CADPS2: variants seen among roughly 807,000 people sequenced by gnomAD.
The protein encoded by CADPS2 is calcium-dependent secretion activator 2.
In CADPS2, 93 loss-of-function variants were observed where a neutral mutation model predicts 172.5. That is an observed-to-expected ratio of 0.54 (90% CI 0.46 to 0.64). CADPS2 has a LOEUF of 0.64. Among genes scored for constraint, CADPS2 ranks in the 30% least tolerant of loss-of-function variants. The pLI is 0.00. For synonymous variants in CADPS2, 546 were observed against 555.2 expected (o/e 0.98, Z 0.23); for missense variants, 1,420 against 1,565.9 (o/e 0.91, Z 1.57).
chr7:122,666,862 C>T (rs530887829), intron 2 of CADPS2, among the ~76,000 whole-genome samples: 2 of 152,226 alleles, frequency 1.3e-5, no homozygotes, highest in Non-Finnish European at 2.9e-5. Flanking sequence ...GGACAGCTTC[C>T]CCCTAGAACC....
At chr7:122,618,406 C>T (rs2075208203) in intron 5 of CADPS2, among the ~76,000 whole-genome samples, 2 of 151,606 alleles carry the variant, frequency 1.3e-5, no homozygotes, top group Admixed American at 1.3e-4. Context: ...TAGAGAAAGC[C>T]AGCTAATTAA....
At chr7:122,541,994 AATC>A (rs1362671346) in intron 8 of CADPS2, among the ~76,000 whole-genome samples, 19 of 151,120 alleles carry the variant, frequency 1.3e-4, no homozygotes, top group African/African-American at 2.9e-4. Context: ...CATAAAATCA[AATC>A]ATCATTTATT....
intron 7 of CADPS2, among the ~76,000 whole-genome samples, chr7:122,562,219 A>C (rs893377994): frequency 3.9e-5 from 6 of 152,122 alleles, no homozygotes; most frequent in Non-Finnish European, 1.5e-5. Flanking sequence ...ATGGCAAAGG[A>C]GAATTAAGGT....
intron 1 of CADPS2, among the ~76,000 whole-genome samples, chr7:122,756,151 C>G (rs1467867359): frequency 6.6e-6 from 1 of 152,124 alleles, no homozygotes; most frequent in Non-Finnish European, 1.5e-5. Flanking sequence ...TGAATAGTTA[C>G]TGGTTACAAA....
chr7:122,813,464 T>C (rs1800551988), intron 1 of CADPS2, among the ~76,000 whole-genome samples: 1 of 152,136 alleles, frequency 6.6e-6, no homozygotes, highest in Admixed American at 6.6e-5. Flanking sequence ...CATTTCAAAT[T>C]GTTTATTACC....
intron 9 of CADPS2, among the ~76,000 whole-genome samples, chr7:122,512,454 G>T (rs1209035881): frequency 1.3e-5 from 2 of 152,168 alleles, no homozygotes; most frequent in African/African-American, 2.4e-5. Flanking sequence ...ACTTAGAAGG[G>T]TATTCTTTAA....
chr7:122,587,223 G>A (rs974287701), intron 6 of CADPS2, among the ~76,000 whole-genome samples: 2 of 151,610 alleles, frequency 1.3e-5, no homozygotes, highest in African/African-American at 4.8e-5. Context: ...TAGGTATTAA[G>A]CCCAGCATGC....
chr7:122,748,648 C>T (rs145861426), intron 1 of CADPS2, among the ~76,000 whole-genome samples: 149 of 152,062 alleles, frequency 9.8e-4, no homozygotes, highest in African/African-American at 3.4e-3. Context: ...CTTTCTTGAC[C>T]AGGTATTACA....
chr7:122,527,647 TG>T (rs1563602281), intron 8 of CADPS2, among the ~76,000 whole-genome samples: 142 of 146,784 alleles, frequency 9.7e-4, no homozygotes, highest in African/African-American at 3.4e-3. Context: ...TGTGTGTGTG[TG>T]TGTGTTTCCT....
At chr7:122,698,040 G>A (rs772945544) in intron 2 of CADPS2, 2 of 1,613,826 alleles carry the variant, frequency 1.2e-6, no homozygotes, top group Non-Finnish European at 1.7e-6. Flanking sequence ...TGCAAATGGG[G>A]CATGTCCCAT....
intron 6 of CADPS2, among the ~76,000 whole-genome samples, chr7:122,584,796 T>C (rs2069394379): frequency 6.6e-6 from 1 of 151,890 alleles, no homozygotes; most frequent in South Asian, 2.1e-4. Flanking sequence ...TTTCTCTCTA[T>C]ATATATCTTT....
intron 14 of CADPS2, among the ~76,000 whole-genome samples, chr7:122,463,884 AG>A (rs138282411): frequency 6.6e-6 from 1 of 152,316 alleles, no homozygotes; most frequent in Non-Finnish European, 1.5e-5. Context: ...AAGATAAGGA[AG>A]AAAAGCATGC....
chr7:122,838,920 A>C (rs1002428910), intron 1 of CADPS2, among the ~76,000 whole-genome samples: 4 of 152,328 alleles, frequency 2.6e-5, no homozygotes, highest in African/African-American at 9.6e-5. Context: ...CAGAATTGGA[A>C]AAAACTACTT....
Position 122,534,188 on chromosome 7 carries a change from A to G in CADPS2, c.1475+20362T>C, listed in dbSNP as rs71574703. Among the ~76,000 whole-genome samples, 143 of 152,164 alleles carry G rather than the reference A, an allele frequency of 9.4e-4. 1 individual carries two copies. Among genetic ancestry groups the G allele is most frequent in the Non-Finnish European group, 1.3e-3 (90 of 67,926 alleles). On this transcript the variant is annotated intron_variant, in intron 8 of 29. Transcript: ENST00000449022. ...GAATTCTTTTAAAAGCGTGATTCTG[A>G]TTTTTATCTAAACTCTAGACAACTT... is the stretch of plus-strand genomic sequence containing the variant.
chr7:122,667,961 G>A (rs2081357176), intron 2 of CADPS2, among the ~76,000 whole-genome samples: 1 of 152,246 alleles, frequency 6.6e-6, no homozygotes, highest in South Asian at 2.1e-4. Context: ...GGCTGTATCT[G>A]GTGATGCAGA....
intron 3 of CADPS2, among the ~76,000 whole-genome samples, chr7:122,643,405 A>G (rs2077910555): frequency 6.6e-6 from 1 of 152,216 alleles, no homozygotes; most frequent in Non-Finnish European, 1.5e-5. Context: ...CTCTCAGCCC[A>G]CAAACACATG....
intron 3 of CADPS2, among the ~76,000 whole-genome samples, chr7:122,650,071 G>T (rs2078997067): frequency 6.6e-6 from 1 of 150,664 alleles, no homozygotes; most frequent in Non-Finnish European, 1.5e-5. Flanking sequence ...ACCACACCTG[G>T]CTAATTTTTT....
At chr7:122,407,985 CA>C (rs1332497852) in intron 19 of CADPS2, among the ~76,000 whole-genome samples, 1 of 151,648 alleles carries the variant, frequency 6.6e-6, no homozygotes, top group Admixed American at 6.6e-5. Context: ...ATATATAAAA[CA>C]AAAAAGAAAA....
At chr7:122,759,731 T>G (rs2093311064) in intron 1 of CADPS2, among the ~76,000 whole-genome samples, 1 of 152,190 alleles carries the variant, frequency 6.6e-6, no homozygotes, top group African/African-American at 2.4e-5. Flanking sequence ...CCCAGACCTT[T>G]GCTATTAATC....
Sources: gnomAD v4.1 joint callset for allele counts (sites outside exome capture counted in the v4.1 genomes callset) on GRCh38, gnomAD v4.1.1 for gene constraint, MANE v1.5 for transcripts, NCBI Gene and HGNC (gene_info 2026-07-23, HGNC 2026-07-21) for gene names.